Variants in LIN7A observed in about 807,000 individuals in gnomAD.
LIN7A encodes the protein protein lin-7 homolog A.
A neutral mutation model predicts 29.8 loss-of-function variants in LIN7A; 25 were observed. The observed-to-expected ratio is 0.84, with a 90% CI of 0.61 to 1.17. The LOEUF is 1.17. LIN7A is among the 50% of genes most tolerant of loss of function. The pLI is 0.00. For missense variants in LIN7A, 239 were observed against 287.0 expected (o/e 0.83, Z 1.21); for synonymous variants, 118 against 107.5 (o/e 1.10, Z -0.60).
intron 4 of LIN7A, chr12:80,842,047 G>T (rs769272003): frequency 7.8e-7 from 1 of 1,284,754 alleles, no homozygotes; most frequent in South Asian, 1.3e-5. Context: ...ATTTCTCTTG[G>T]TGCCTAGGGA....
chr12:80,810,023 T>A (rs79949625), intron 5 of LIN7A, among the ~76,000 whole-genome samples: 15,140 of 152,262 alleles, frequency 0.099, 818 homozygotes, highest in East Asian at 0.18. Flanking sequence ...GTGAGAATAT[T>A]TACAGTCCAT....
At chr12:80,838,380 CT>C (rs1872673208) in intron 4 of LIN7A, among the ~76,000 whole-genome samples, 2 of 152,288 alleles carry the variant, frequency 1.3e-5, no homozygotes, top group South Asian at 4.1e-4. Flanking sequence ...CGATATTTCC[CT>C]GTTCTGCTTT....
intron 5 of LIN7A, among the ~76,000 whole-genome samples, chr12:80,810,412 T>C (rs1871231933): frequency 6.7e-6 from 1 of 149,872 alleles, no homozygotes; most frequent in Admixed American, 6.7e-5. Flanking sequence ...TGTGTGTGTG[T>C]GTGTGTGTGT....
intron 4 of LIN7A, among the ~76,000 whole-genome samples, chr12:80,836,757 A>G (rs1018897330): frequency 2.6e-5 from 4 of 152,120 alleles, no homozygotes; most frequent in African/African-American, 9.7e-5. Context: ...TGTAACACTT[A>G]TCACAGTGTT....
At chr12:80,859,912 A>G (rs2120394776) in intron 2 of LIN7A, among the ~76,000 whole-genome samples, 1 of 152,248 alleles carries the variant, frequency 6.6e-6, no homozygotes, top group Admixed American at 6.5e-5. Flanking sequence ...TTTATAATCT[A>G]ATATTTTGTT....
chr12:80,893,973 T>C (rs1233573214), intron 1 of LIN7A, among the ~76,000 whole-genome samples: 1 of 152,160 alleles, frequency 6.6e-6, no homozygotes, highest in East Asian at 1.9e-4. Flanking sequence ...CTAGCCGTTT[T>C]GGAAACAAAT....
chr12:80,807,272 G>T (rs539565175), intron 5 of LIN7A, among the ~76,000 whole-genome samples: 1 of 151,698 alleles, frequency 6.6e-6, no homozygotes, highest in African/African-American at 2.4e-5. Flanking sequence ...GGGTTTCACC[G>T]AATTAGCCAG....
At chr12:80,897,156 G>A (rs1186341806) in intron 1 of LIN7A, among the ~76,000 whole-genome samples, 3 of 151,160 alleles carry the variant, frequency 2.0e-5, no homozygotes, top group Non-Finnish European at 4.4e-5. Context: ...TACTACCCGA[G>A]ACATCATGAA....
At chr12:80,937,581 G>T (rs1178700845) in intron 1 of LIN7A, 60 bp downstream of exon 1, 20 of 1,239,090 alleles carry the variant, frequency 1.6e-5, no homozygotes, top group Non-Finnish European at 4.3e-6. Flanking sequence ...GAATTGGCAG[G>T]CGGGGAAGGG....
At position 80,870,839 on chromosome 12, in the gene LIN7A, G is replaced by T. The variant is rs76773566; in HGVS notation, c.201+18412C>A. Among the ~76,000 whole-genome samples, 151 of 152,246 alleles carry T rather than the reference G, an allele frequency of 9.9e-4. 3 individuals are homozygous for T. In the East Asian group the frequency reaches 0.028, roughly 29 times the overall value. On this transcript the variant is annotated intron_variant, in intron 2 of 5. Transcript: ENST00000552864. ...TTTGCATAGGGAAAGATATTTTGTTGTACTATGGTAGGCACATTCACATTC... is the reference window on the plus strand; with the variant it reads ...TTTGCATAGGGAAAGATATTTTGTTTTACTATGGTAGGCACATTCACATTC...
At chr12:80,926,471 G>T (rs1002920655) in intron 1 of LIN7A, among the ~76,000 whole-genome samples, 4 of 151,982 alleles carry the variant, frequency 2.6e-5, no homozygotes, top group Non-Finnish European at 4.4e-5. Context: ...GCATATGAAA[G>T]GTTGTATTAC....
intron 2 of LIN7A, among the ~76,000 whole-genome samples, chr12:80,856,201 C>T (rs1873588610): frequency 6.6e-6 from 1 of 152,130 alleles, no homozygotes; most frequent in Admixed American, 6.5e-5. Flanking sequence ...AGTGAAAATC[C>T]AAGAAGGATA....
intron 2 of LIN7A, among the ~76,000 whole-genome samples, chr12:80,877,359 T>G (rs1177930637): frequency 1.3e-5 from 2 of 152,128 alleles, no homozygotes; most frequent in African/African-American, 2.4e-5. Flanking sequence ...CTAAAGCGAA[T>G]GAACCACAAC....
chr12:80,870,012 A>G (rs1341161130), intron 2 of LIN7A, among the ~76,000 whole-genome samples: 1 of 152,208 alleles, frequency 6.6e-6, no homozygotes, highest in Non-Finnish European at 1.5e-5. Flanking sequence ...GAGGAAAGTT[A>G]AAAGAAAGAT....
At chr12:80,878,590 T>C (rs1460495988) in intron 2 of LIN7A, among the ~76,000 whole-genome samples, 1 of 152,116 alleles carries the variant, frequency 6.6e-6, no homozygotes, top group Non-Finnish European at 1.5e-5. Flanking sequence ...GAACAATACT[T>C]CCACAGTACG....
At chr12:80,848,432 A>C (rs991681600) in intron 2 of LIN7A, 110 bp from the exon 3 acceptor site, 11 of 739,326 alleles carry the variant, frequency 1.5e-5, no homozygotes, top group Admixed American at 6.6e-5. Context: ...TCTCTATTGC[A>C]AAATAACATA....
intron 2 of LIN7A, among the ~76,000 whole-genome samples, chr12:80,852,236 G>A (rs1032023143): frequency 2.0e-5 from 3 of 152,026 alleles, no homozygotes; most frequent in Non-Finnish European, 4.4e-5. Context: ...AGAATAACAA[G>A]TATAAATGAA....
At position 80,929,362 on chromosome 12, in the gene LIN7A, T is replaced by A. The variant is rs931111526; in HGVS notation, c.82+8279A>T. Among the ~76,000 whole-genome samples the A allele has an allele frequency of 2.0e-5, 3 of 152,334 alleles. No homozygotes were observed. The East Asian group carries it at 5.8e-4, about 29-fold the overall frequency. ...ATTCAAGCTAGGAATAATTTTAGAA[T>A]ATTGGTAGGGTTGGCCAAATTATTT... On this transcript the variant is annotated intron_variant, in intron 1 of 5. Transcript: ENST00000552864.
In LIN7A at chr12:80,807,078, T is replaced by TTTTTG. The variant is rs1565883848; in HGVS notation, c.*4386_*4387insCAAAA. Among the ~76,000 whole-genome samples the TTTTTG allele has an allele frequency of 2.3e-4, 26 of 115,112 alleles. 1 individual carries two copies. Among genetic ancestry groups the TTTTTG allele is most frequent in the Non-Finnish European group, 3.1e-4 (18 of 57,848 alleles). The allele number at this position is 115,112 out of a possible 152,430, so 75.5% of individuals were successfully genotyped here. On this transcript the variant is annotated intron_variant, in intron 5 of 5. Coordinates refer to ENST00000552864, the MANE Select transcript of LIN7A (RefSeq NM_004664.4). ...TGAAGATGGAGTTTTTTTTTTTTTT[T>TTTTTG]TTTTTTTTTTTTTGACGGAGTCTCG...
Sources: allele counts gnomAD v4.1 joint callset (sites outside exome capture counted in the v4.1 genomes callset), GRCh38; gene constraint gnomAD v4.1.1; transcripts MANE v1.5; gene names NCBI Gene and HGNC (gene_info 2026-07-23, HGNC 2026-07-21).